Variants in KALRN observed in about 807,000 individuals in gnomAD.
The protein encoded by KALRN is kalirin.
In KALRN, 70 loss-of-function variants were observed where a neutral mutation model predicts 353.7. The ratio of observed to expected loss-of-function variants is 0.20; its 90% CI spans 0.16 to 0.24. The LOEUF is 0.24. Among genes scored for constraint, KALRN ranks in the 10% least tolerant of loss-of-function variants. The pLI is 1.00. For synonymous variants in KALRN, 1,391 were observed against 1,434.8 expected, an observed-to-expected ratio of 0.97 and a Z score of 0.69; for missense variants, 2,791 against 3,756.7, an observed-to-expected ratio of 0.74 and a Z score of 6.72.
At chr3:124,278,916 G>A (rs923088062) in intron 5 of KALRN, among the ~76,000 whole-genome samples, 5 of 152,108 alleles carry the variant, frequency 3.3e-5, no homozygotes, top group African/African-American at 1.2e-4. Flanking sequence ...TTGCTTTGAG[G>A]AACCTGCTTT....
rs752345256 is a variant in KALRN, at chr3:124,358,385, C to CT, written c.1770+11129dup. On this transcript the variant is annotated intron_variant, in intron 10 of 59. Transcript: ENST00000682506. ...TCCGTTAGCTGAAATGGAAGGAAGT[C>CT]TTTTTTTTTCTTTTTAAAAACTCGC... Among the ~76,000 whole-genome samples the CT allele has an allele frequency of 2.6e-4, 39 of 151,484 alleles. No individual in the cohort carries two copies. The East Asian group carries it at 5.8e-3, about 23-fold the overall frequency.
At chr3:124,704,917 A>G (rs1268487796) in intron 57 of KALRN, among the ~76,000 whole-genome samples, 1 of 152,222 alleles carries the variant, frequency 6.6e-6, no homozygotes, top group Non-Finnish European at 1.5e-5. Flanking sequence ...GTAGAAGTCA[A>G]TCGACTTGCT....
chr3:124,694,199 C>T, intron 52 of KALRN, 133 bp from the exon 53 acceptor site: 1 of 801,710 alleles, frequency 1.2e-6, no homozygotes, highest in Non-Finnish European at 2.0e-6. Context: ...GATGACTCAC[C>T]AGTGTTATAC....
chr3:124,101,969 CCTT>C (rs1270201609), intron 1 of KALRN, among the ~76,000 whole-genome samples: 12 of 152,204 alleles, frequency 7.9e-5, no homozygotes, highest in African/African-American at 2.9e-4. Flanking sequence ...ATGACTTGTT[CCTT>C]CTTTCTTATA....
rs1381101369 is a variant in KALRN, at chr3:124,081,144, C to T, written c.73+47331C>T. ...AGAAATCCAGACTCACCTTCTATGA[C>T]ATTCTCCTGTCTACTGTAGCGGGAC... is the stretch of plus-strand genomic sequence containing the variant. On this transcript the variant is annotated intron_variant, in intron 1 of 59. Coordinates refer to ENST00000682506, the MANE Select transcript of KALRN (RefSeq NM_001388419.1). Among the ~76,000 whole-genome samples, 3 of 152,206 alleles carry T rather than the reference C, an allele frequency of 2.0e-5. No individual in the cohort carries two copies. The East Asian group carries it at 5.8e-4, about 29-fold the overall frequency.
chr3:124,460,877 G>A (rs1311934160), intron 23 of KALRN, among the ~76,000 whole-genome samples: 1 of 152,218 alleles, frequency 6.6e-6, no homozygotes, highest in Non-Finnish European at 1.5e-5. Context: ...CAAGGAGGAA[G>A]AGAACCCTCT....
At chr3:124,186,211 T>G (rs1228394936) in intron 1 of KALRN, among the ~76,000 whole-genome samples, 4 of 152,186 alleles carry the variant, frequency 2.6e-5, no homozygotes, top group African/African-American at 9.7e-5. Context: ...TAATGCAGCC[T>G]CAGAAGGGGC....
At chr3:124,600,272 C>A (rs1188980735) in intron 34 of KALRN, among the ~76,000 whole-genome samples, 1 of 152,240 alleles carries the variant, frequency 6.6e-6, no homozygotes, top group African/African-American at 2.4e-5. Flanking sequence ...TGGCATAACT[C>A]ACCTGGGTTT....
intron 1 of KALRN, among the ~76,000 whole-genome samples, chr3:124,035,730 C>T (rs750052947): frequency 1.3e-5 from 2 of 152,258 alleles, no homozygotes; most frequent in Non-Finnish European, 2.9e-5. Context: ...GTGTGGCACA[C>T]ATTATCTAAC....
At chr3:124,498,605 A>G (rs1472321149) in intron 33 of KALRN, among the ~76,000 whole-genome samples, 1 of 152,172 alleles carries the variant, frequency 6.6e-6, no homozygotes, top group Non-Finnish European at 1.5e-5. Flanking sequence ...AATCCCAACT[A>G]CCTTCTCTGG....
intron 16 of KALRN, among the ~76,000 whole-genome samples, chr3:124,434,012 T>C (rs1576896447): frequency 6.6e-6 from 1 of 152,322 alleles, no homozygotes; most frequent in Middle Eastern, 3.4e-3. Flanking sequence ...ATACATAACT[T>C]CTGTTTCTCT....
chr3:124,596,964 C>T (rs1362776826), intron 34 of KALRN, among the ~76,000 whole-genome samples: 1 of 152,014 alleles, frequency 6.6e-6, no homozygotes, highest in Non-Finnish European at 1.5e-5. Flanking sequence ...CGTGAGAATC[C>T]TTGAACCCGG....
At chr3:124,310,875 G>A (rs2078180347) in intron 6 of KALRN, among the ~76,000 whole-genome samples, 1 of 151,998 alleles carries the variant, frequency 6.6e-6, no homozygotes, top group Non-Finnish European at 1.5e-5. Context: ...TGATAAGGGA[G>A]TTATGTCTGC....
rs1186086800 is a variant in KALRN at position 124,456,607 on chromosome 3, C to T, written c.3736-3C>T. 3 of 1,606,146 alleles carry T rather than the reference C, an allele frequency of 1.9e-6. No homozygotes were observed. The highest frequency in any genetic ancestry group is 2.6e-6 in the Non-Finnish European group (3 of 1,173,854). ...GTGACCTTTGTGATCCCTCCATGTG[C>T]AGGATAATAAGGACCTGGAGCTGGA... On this transcript the variant is annotated splice_polypyrimidine_tract_variant and splice_region_variant and intron_variant, in intron 22 of 59. Transcript: ENST00000682506.
chr3:124,446,203 A>T lies in KALRN; in HGVS notation c.3356A>T (p.His1119Leu). 6.2e-7 allele frequency: 1 copy of T among 1,614,116 alleles called. No homozygotes were observed. Among genetic ancestry groups the T allele is most frequent in the Non-Finnish European group, 8.5e-7 (1 of 1,179,956 alleles). Residue 1119 changes from histidine to leucine, a missense_variant, in exon 20 of 60, where the codon CAT (histidine) becomes CTT (leucine). Coordinates refer to ENST00000682506, the MANE Select transcript of KALRN (RefSeq NM_001388419.1). Reference protein sequence around the residue: ...ELLQRENRVLHFWTLKKRRLD... With the variant: ...ELLQRENRVLLFWTLKKRRLD... ...CTGCAGAGGGAGAATCGCGTGCTGC[A>T]TTTCTGGACCTTGAAGAAGCGGCGG...
At chr3:124,394,989 C>T in intron 11 of KALRN, 146 bp from the exon 12 acceptor site, 1 of 604,900 alleles carries the variant, frequency 1.7e-6, no homozygotes, top group East Asian at 2.8e-5. Context: ...AATGTAAAAA[C>T]ACAAACTGAC....
intron 47 of KALRN, among the ~76,000 whole-genome samples, chr3:124,670,180 G>T (rs1007574149): frequency 5.9e-5 from 9 of 152,224 alleles, no homozygotes; most frequent in African/African-American, 2.2e-4. Flanking sequence ...ACAAGGTTTT[G>T]CCATGTTGGC....
chr3:124,173,395 A>C (rs540901573), intron 1 of KALRN, among the ~76,000 whole-genome samples: 16 of 152,350 alleles, frequency 1.1e-4, no homozygotes, highest in Non-Finnish European at 1.9e-4. Context: ...AAGGACAGAC[A>C]GAATTGGGAA....
Position 124,492,943 on chromosome 3 carries a change from G to C in KALRN, c.4832+61G>C, listed in dbSNP as rs1015279373. 1.9e-6 allele frequency: 3 copies of C among 1,580,520 alleles called. No homozygotes were observed. The Admixed American group carries it at 5.2e-5, about 27-fold the overall frequency. ...CACAGGCTTCCGGGTGCGGGAATGG[G>C]ATGAATCTTTGCTTCTGAAGGGGGA... On this transcript the variant is annotated intron_variant, in intron 32 of 59. Transcript: ENST00000682506.
Sources: gnomAD v4.1 joint callset for allele counts (sites outside exome capture counted in the v4.1 genomes callset) on GRCh38, gnomAD v4.1.1 for gene constraint, MANE v1.5 for transcripts, NCBI Gene and HGNC (gene_info 2026-07-23, HGNC 2026-07-21) for gene names.